Variants in EDIL3 observed in about 807,000 individuals in gnomAD.
EDIL3 encodes EGF like and discoidin domains 3, also known as EGF-like repeat and discoidin I-like domain-containing protein 3.
Under a neutral mutation model 67.4 loss-of-function variants are expected in EDIL3, and 37 were observed. That is an observed-to-expected ratio of 0.55 (90% CI 0.42 to 0.72). The LOEUF is 0.72. Among genes scored for constraint, EDIL3 ranks in the 30% least tolerant of loss-of-function variants. The pLI is 0.00. For synonymous variants in EDIL3, 195 were observed against 196.3 expected (o/e 0.99, Z 0.05); for missense variants, 527 against 586.3 (o/e 0.90, Z 1.04).
chr5:84,019,997 C>T (rs1030564145), intron 9 of EDIL3, among the ~76,000 whole-genome samples: 1 of 145,338 alleles, frequency 6.9e-6, no homozygotes, highest in South Asian at 2.2e-4. Context: ...AATCAGTTAG[C>T]GGAACGTTGC....
At position 84,094,819 on chromosome 5, in the gene EDIL3, T is replaced by C. The variant is rs920199226; in HGVS notation, c.651+11830A>G. ...TTTTCTTAAAAATGCAGAAGGTATA[T>C]GGTTTTGCATTTAAATATATTAAGT... is the stretch of plus-strand genomic sequence containing the variant. On this transcript the variant is annotated intron_variant, in intron 6 of 10. Transcript: ENST00000296591. 4.6e-5 allele frequency among the ~76,000 whole-genome samples: 7 copies of C among 152,242 alleles called. 1 individual carries two copies. The highest frequency in any genetic ancestry group is 3.9e-4 in the Admixed American group (6 of 15,284).
At chr5:84,348,501 T>C (rs1747279136) in intron 1 of EDIL3, among the ~76,000 whole-genome samples, 1 of 151,960 alleles carries the variant, frequency 6.6e-6, no homozygotes, top group African/African-American at 2.4e-5. Context: ...AGCTTCCTTA[T>C]TCAAAAACCT....
At chr5:84,106,912 T>G (rs1747477237) in intron 5 of EDIL3, 82 bp from the exon 6 acceptor site, 1 of 1,436,728 alleles carries the variant, frequency 7.0e-7, no homozygotes, top group Non-Finnish European at 9.3e-7. Flanking sequence ...TGATAGGATT[T>G]TTTTAAATGA....
intron 9 of EDIL3, among the ~76,000 whole-genome samples, chr5:84,028,308 A>G (rs961982333): frequency 6.6e-6 from 1 of 152,174 alleles, no homozygotes; most frequent in African/African-American, 2.4e-5. Context: ...TAGTAGCCAG[A>G]TTAATCATTC....
At chr5:84,227,218 A>G (rs1348254989) in intron 3 of EDIL3, among the ~76,000 whole-genome samples, 1 of 152,032 alleles carries the variant, frequency 6.6e-6, no homozygotes, top group Non-Finnish European at 1.5e-5. Flanking sequence ...TCCAGAATCT[A>G]TAAGGAACTT....
rs575079687 is a variant in EDIL3 at position 84,042,330 on chromosome 5, T to G, written c.1137+17970A>C. Among the ~76,000 whole-genome samples, 5 of 152,092 alleles carry G rather than the reference T, an allele frequency of 3.3e-5. No homozygotes were observed. The East Asian group carries it at 9.7e-4, about 30-fold the overall frequency. On this transcript the variant is annotated intron_variant, in intron 9 of 10. Transcript: ENST00000296591. ...CGGAGTCTTATTTGTCGCCCAGGCT[T>G]CAGTGCAGTGGCTTGATCTCGGCTC...
Position 84,225,529 on chromosome 5 carries a change from T to C in EDIL3, c.226+4326A>G, listed in dbSNP as rs570946588. 9.3e-4 allele frequency among the ~76,000 whole-genome samples: 141 copies of C among 151,748 alleles called. 1 individual carries two copies. Among genetic ancestry groups the C allele is most frequent in the African/African-American group, 3.3e-3 (139 of 41,550 alleles). ...TAATTCAAAATATAAGGCAAATCAA[T>C]TGTATTCCATTGTAAAGAAAAAAAT... On this transcript the variant is annotated intron_variant, in intron 3 of 10. Coordinates refer to ENST00000296591, the MANE Select transcript of EDIL3 (RefSeq NM_005711.5).
At chr5:84,365,452 G>T (rs1747709447) in intron 1 of EDIL3, among the ~76,000 whole-genome samples, 1 of 152,000 alleles carries the variant, frequency 6.6e-6, no homozygotes. Flanking sequence ...AACAACCTTA[G>T]ATATTTTAGT....
At chr5:83,989,441 T>C (rs978683639) in intron 9 of EDIL3, among the ~76,000 whole-genome samples, 1 of 152,160 alleles carries the variant, frequency 6.6e-6, no homozygotes, top group Admixed American at 6.5e-5. Context: ...AATGTTGTGA[T>C]TTTCGCTTTG....
In EDIL3 at chr5:84,086,225, T is replaced by C. The variant is rs571604727; in HGVS notation, c.652-19619A>G. Among the ~76,000 whole-genome samples, 4 of 152,322 alleles carry C rather than the reference T, an allele frequency of 2.6e-5. No homozygotes were observed. The South Asian group carries it at 8.3e-4, about 32-fold the overall frequency. ...CGCTAGGGTACAAAAAAGGACCTCC[T>C]GCAGCTAGCTCAGTGTCTGCCCAAA... On this transcript the variant is annotated intron_variant, in intron 6 of 10. Coordinates refer to ENST00000296591, the MANE Select transcript of EDIL3 (RefSeq NM_005711.5).
At chr5:84,153,242 A>G (rs918380043) in intron 4 of EDIL3, among the ~76,000 whole-genome samples, 1 of 152,162 alleles carries the variant, frequency 6.6e-6, no homozygotes, top group African/African-American at 2.4e-5. Flanking sequence ...TAAGGCTGCT[A>G]CAACACCCTT....
At chr5:84,190,556 T>TGA (rs1373436577) in intron 3 of EDIL3, among the ~76,000 whole-genome samples, 4 of 58,490 alleles carry the variant, frequency 6.8e-5, no homozygotes, top group Non-Finnish European at 1.0e-4. Flanking sequence ...TATATATGTG[T>TGA]GTGTGTGTGT....
At chr5:84,316,338 C>T (rs1746511043) in intron 1 of EDIL3, among the ~76,000 whole-genome samples, 1 of 152,048 alleles carries the variant, frequency 6.6e-6, no homozygotes, top group Non-Finnish European at 1.5e-5. Flanking sequence ...GAGTCAAGAC[C>T]CATCAGTGTG....
At chr5:84,193,806 T>C (rs1242452852) in intron 3 of EDIL3, among the ~76,000 whole-genome samples, 5 of 151,936 alleles carry the variant, frequency 3.3e-5, no homozygotes, top group African/African-American at 1.2e-4. Flanking sequence ...GAGATTTCCG[T>C]TTTATGTTTC....
intron 6 of EDIL3, among the ~76,000 whole-genome samples, chr5:84,092,997 T>G (rs933970735): frequency 6.6e-6 from 1 of 152,176 alleles, no homozygotes; most frequent in African/African-American, 2.4e-5. Context: ...ATGGTTCCTC[T>G]GCTCTCTGGA....
intron 1 of EDIL3, among the ~76,000 whole-genome samples, chr5:84,309,668 T>A (rs1746346146): frequency 6.6e-6 from 1 of 152,176 alleles, no homozygotes. Context: ...ACAAAGGACA[T>A]GAACTCATCA....
At chr5:83,951,496 A>AT (rs113890137) in intron 10 of EDIL3, among the ~76,000 whole-genome samples, 13,326 of 149,978 alleles carry the variant, frequency 0.089, 773 homozygotes, top group African/African-American at 0.16. Flanking sequence ...CTTCTGTTAG[A>AT]TTTTTTTTTT....
intron 3 of EDIL3, among the ~76,000 whole-genome samples, chr5:84,207,320 T>C (rs910488238): frequency 5.9e-5 from 9 of 152,182 alleles, no homozygotes; most frequent in African/African-American, 2.2e-4. Context: ...AATAAAATAC[T>C]TAGGAATCCA....
At chr5:84,024,099 C>A (rs1037167527) in intron 9 of EDIL3, among the ~76,000 whole-genome samples, 22 of 152,124 alleles carry the variant, frequency 1.4e-4, no homozygotes, top group Non-Finnish European at 3.1e-4. Flanking sequence ...ACCAGGCAAA[C>A]CTTATCAGAG....
Sources: allele counts gnomAD v4.1 joint callset (sites outside exome capture counted in the v4.1 genomes callset), GRCh38; gene constraint gnomAD v4.1.1; transcripts MANE v1.5; gene names NCBI Gene and HGNC (gene_info 2026-07-23, HGNC 2026-07-21).